PSD: variants seen among roughly 807,000 people sequenced by gnomAD.
PSD encodes PH and SEC7 domain-containing protein 1.
In PSD, 32 loss-of-function variants were observed where a neutral mutation model predicts 91.6. That is an observed-to-expected ratio of 0.35 (90% CI 0.26 to 0.47). The LOEUF (loss-of-function observed/expected upper bound fraction) is 0.47, where lower values mean the gene tolerates loss of function less well. Among genes scored for constraint, PSD ranks in the 20% least tolerant of loss-of-function variants. The pLI is 1.00. For synonymous variants in PSD, 532 were observed against 569.3 expected, an observed-to-expected ratio of 0.93 and a Z score of 0.93; for missense variants, 1,099 against 1,373.9, an observed-to-expected ratio of 0.80 and a Z score of 3.16.
At chr10:102,407,467 C>T (rs2061375628) in intron 10 of PSD, among the ~76,000 whole-genome samples, 1 of 152,186 alleles carries the variant, frequency 6.6e-6, no homozygotes, top group Non-Finnish European at 1.5e-5. Context: ...GGCAAGTATC[C>T]ATGGAGAGGA....
At chr10:102,406,508 CTTTTTTTT>C (rs1192531225) in intron 11 of PSD, among the ~76,000 whole-genome samples, 1 of 140,100 alleles carries the variant, frequency 7.1e-6, no homozygotes, top group African/African-American at 2.7e-5. Context: ...TTTCTTTTTT[CTTTTTTTT>C]TTTTTTTTTG....
rs549556276 is a variant in PSD at position 102,415,226 on chromosome 10, G to A, written c.761C>T (p.Ala254Val). 1 of 1,606,332 alleles carries A rather than the reference G, an allele frequency of 6.2e-7. No individual in the cohort carries two copies. The highest frequency in any genetic ancestry group is 1.1e-5 in the South Asian group (1 of 90,962). ...YGSLDPPSSGAKPPEQAPPSP... is the reference protein window; with the variant it reads ...YGSLDPPSSGVKPPEQAPPSP... Reference sequence around the variant, plus strand: ...TGGGGGGGCCTGCTCTGGGGGCTTAGCACCTGTAGTGTGCATAGGCATCCA... The same window carrying A: ...TGGGGGGGCCTGCTCTGGGGGCTTAACACCTGTAGTGTGCATAGGCATCCA... The change falls in exon 4 of 17, where the codon GCT (alanine) becomes GTT (valine). Residue 254 changes from alanine (A) to valine (V), a missense_variant. Around this residue, in one of 3 missense-constraint regions of PSD, gnomAD observed 631 missense variants for 728.8 expected, o/e 0.87. Coordinates refer to ENST00000020673, the MANE Select transcript of PSD (RefSeq NM_002779.5).
rs1457209264 is a variant in PSD at position 102,417,062 on chromosome 10, G to A, written c.-24C>T. On this transcript the variant is annotated 5_prime_UTR_variant, in exon 2 of 17. Coordinates refer to ENST00000020673, the MANE Select transcript of PSD (RefSeq NM_002779.5). ...ATGCTGGGGCCGGGGGTCAGGCTGG[G>A]GGGGCAGGGATGGCGAGGCCAGGCG... is the stretch of plus-strand genomic sequence containing the variant. 6.7e-7 allele frequency: 1 copy of A among 1,493,684 alleles called. No individual in the cohort carries two copies. The highest frequency in any genetic ancestry group is 9.0e-7 in the Non-Finnish European group (1 of 1,112,222). 92.5% of individuals were successfully genotyped at this position (1,493,684 alleles called of 1,614,324 possible). A position where few individuals can be genotyped will look rare whatever the true frequency, so the allele number is the denominator to read the frequency against.
In PSD at chr10:102,414,282, C is replaced by G. The variant is rs968503050; in HGVS notation, c.1125-85G>C. 7.9e-7 allele frequency: 1 copy of G among 1,269,530 alleles called. No homozygotes were observed. Among genetic ancestry groups the G allele is most frequent in the African/African-American group, 1.5e-5 (1 of 66,530 alleles). The allele number at this position is 1,269,530 out of a possible 1,614,324, so 78.6% of individuals were successfully genotyped here. On this transcript the variant is annotated intron_variant, in intron 4 of 16. Transcript: ENST00000020673. The surrounding 1 kb of genome is among the most constrained non-coding windows in gnomAD (Gnocchi z 5.6). ...TCACTGAACTCTCACACTGACTCTG[C>G]TAAGGGGATTATCATCCCCTTTTCA...
intron 3 of PSD, among the ~76,000 whole-genome samples, chr10:102,415,442 G>A (rs1002265992): frequency 7.2e-5 from 11 of 152,286 alleles, no homozygotes; most frequent in Admixed American, 1.3e-4. Context: ...AGGAGCTGGG[G>A]GAAGACCAGC....
In PSD at chr10:102,403,135, G is replaced by A. The variant is rs1017294344; in HGVS notation, c.*65C>T. ...CTCGTGGGTGGCCCGAGGCCGGCCC[G>A]GGCTCAGGCAGGGCCATGTCATCCT... On this transcript the variant is annotated 3_prime_UTR_variant, in exon 17 of 17. Coordinates refer to ENST00000020673, the MANE Select transcript of PSD (RefSeq NM_002779.5). The surrounding 1 kb of genome is among the most constrained non-coding windows in gnomAD (Gnocchi z 6.7). 2.1e-5 allele frequency: 27 copies of A among 1,311,344 alleles called. No homozygotes were observed. The African/African-American group carries it at 2.1e-4, about 10-fold the overall frequency. 81.2% of individuals were successfully genotyped at this position (1,311,344 alleles called of 1,614,324 possible).
Position 102,414,206 on chromosome 10 carries a change from G to T in PSD, c.1125-9C>A, listed in dbSNP as rs770131821. On this transcript the variant is annotated splice_polypyrimidine_tract_variant and intron_variant, in intron 4 of 16. Transcript: ENST00000020673. The surrounding 1 kb of genome is among the most constrained non-coding windows in gnomAD (Gnocchi z 5.6). ...GCATCCGGCTCCCTGGCCTGCAGGG[G>T]CAGGGAGAATCTCTGATTAGGGGCC... The T allele has an allele frequency of 6.3e-7, 1 of 1,591,922 alleles. No individual in the cohort carries two copies. Among genetic ancestry groups the T allele is most frequent in the South Asian group, 1.1e-5 (1 of 89,204 alleles).
chr10:102,402,975 C>T lies in PSD; in HGVS notation c.*225G>A, dbSNP rs1212091567. The T allele has an allele frequency of 2.0e-4, 29 of 142,710 alleles. No homozygotes were observed. In the East Asian group the frequency reaches 6.6e-3, roughly 33 times the overall value. 8.8% of individuals were successfully genotyped at this position (142,710 alleles called of 1,614,324 possible). On this transcript the variant is annotated 3_prime_UTR_variant, in exon 17 of 17. Coordinates refer to ENST00000020673, the MANE Select transcript of PSD (RefSeq NM_002779.5). ...CCCTCCCGCCCCCGCCCACCCTGTA[C>T]GAAAAAGTGCAAAACATTATCACAA...
Position 102,403,228 on chromosome 10 carries a change from C to T in PSD, c.3047G>A (p.Gly1016Glu), listed in dbSNP as rs140480079. The change falls in exon 17 of 17, where the codon GGG (glycine) becomes GAG (glutamate). Residue 1016 changes from glycine (G) to glutamate (E), a missense_variant. By Grantham distance (98) the Gly-to-Glu change is moderately conservative. Coordinates refer to ENST00000020673, the MANE Select transcript of PSD (RefSeq NM_002779.5). This position sits in a 1 kb window ranked among gnomAD's most constrained non-coding sequence, Gnocchi z 6.7. ...GGGCTTCCGCCGCCCACTGCCTGCCCCTGGCCGAGGCTCTGAGCTGTGACG... is the reference window on the plus strand; with the variant it reads ...GGGCTTCCGCCGCCCACTGCCTGCCTCTGGCCGAGGCTCTGAGCTGTGACG... ...AQRHSSEPRP[G>E]AGSGRRKP is the part of the protein sequence containing the mutation. 4 of 1,586,576 alleles carry T rather than the reference C, an allele frequency of 2.5e-6. No individual in the cohort carries two copies. Among genetic ancestry groups the T allele is most frequent in the Non-Finnish European group, 3.4e-6 (4 of 1,162,994 alleles).
rs1001857451 is a variant in PSD at position 102,410,517 on chromosome 10, C to A, written c.2091+341G>T. On this transcript the variant is annotated intron_variant, in intron 10 of 16. Coordinates refer to ENST00000020673, the MANE Select transcript of PSD (RefSeq NM_002779.5). The surrounding 1 kb of genome is among the most constrained non-coding windows in gnomAD (Gnocchi z 6.0). ...ATCCAATCCCTGTCCCGTGCAGGGACCCCCGCAACTCCCGCCTTCCACCCC... is the reference window on the plus strand; with the variant it reads ...ATCCAATCCCTGTCCCGTGCAGGGAACCCCGCAACTCCCGCCTTCCACCCC... Among the ~76,000 whole-genome samples, 25 of 152,290 alleles carry A rather than the reference C, an allele frequency of 1.6e-4. No homozygotes were observed. The highest frequency in any genetic ancestry group is 6.0e-4 in the African/African-American group (25 of 41,568).
chr10:102,408,616 C>G (rs775274148), intron 10 of PSD, among the ~76,000 whole-genome samples: 1 of 152,234 alleles, frequency 6.6e-6, no homozygotes, highest in Non-Finnish European at 1.5e-5. Flanking sequence ...CTCAGGACCC[C>G]CTTCGGCCCA....
rs1471794984 is a variant in PSD, at chr10:102,403,114, T to C, written c.*86A>G. On this transcript the variant is annotated 3_prime_UTR_variant, in exon 17 of 17. Coordinates refer to ENST00000020673, the MANE Select transcript of PSD (RefSeq NM_002779.5). This position sits in a 1 kb window ranked among gnomAD's most constrained non-coding sequence, Gnocchi z 6.7. ...CGGGCCCTAGGCCGGGAGGCCCTCG[T>C]GGGTGGCCCGAGGCCGGCCCGGGCT... The C allele has an allele frequency of 8.7e-7, 1 of 1,151,136 alleles. No individual in the cohort carries two copies. The highest frequency in any genetic ancestry group is 1.6e-5 in the African/African-American group (1 of 61,978). 71.3% of individuals were successfully genotyped at this position (1,151,136 alleles called of 1,614,324 possible). A position where few individuals can be genotyped will look rare whatever the true frequency, so the allele number is the denominator to read the frequency against.
rs774467391 is a variant in PSD at position 102,403,259 on chromosome 10, C to G, written c.3016G>C (p.Ala1006Pro). ...LQPKPSSQPR[A>P]QRHSSEPRPG... The stretch of plus-strand genomic sequence containing the variant: ...CGAGGCTCTGAGCTGTGACGCTGAG[C>G]CCGGGGCTGGCTGGAGGGTTTGGGC... Residue 1006 changes from alanine to proline, a missense_variant, in exon 17 of 17, where the codon GCT (alanine) becomes CCT (proline). Physicochemically the swap from Ala to Pro is conservative, Grantham distance 27 (BLOSUM62 -1). Transcript: ENST00000020673. The surrounding 1 kb of genome is among the most constrained non-coding windows in gnomAD (Gnocchi z 6.7). 32 of 1,609,856 alleles carry G rather than the reference C, an allele frequency of 2.0e-5. No individual in the cohort carries two copies. Among genetic ancestry groups the G allele is most frequent in the Non-Finnish European group, 2.6e-5 (31 of 1,177,514 alleles).
In PSD at chr10:102,404,553, C is replaced by G; in HGVS notation, c.2700+30G>C. On this transcript the variant is annotated intron_variant, in intron 15 of 16. Coordinates refer to ENST00000020673, the MANE Select transcript of PSD (RefSeq NM_002779.5). This position sits in a 1 kb window ranked among gnomAD's most constrained non-coding sequence, Gnocchi z 5.7. ...CCTGAGCCTAACACCCTCCATCCCA[C>G]TGGCACTAGGTGGACAGAGCTTGGG... 6.2e-7 allele frequency: 1 copy of G among 1,605,492 alleles called. No homozygotes were observed. Among genetic ancestry groups the G allele is most frequent in the Non-Finnish European group, 8.5e-7 (1 of 1,176,102 alleles).
At chr10:102,418,840 G>A (rs2061519421), upstream of PSD, 1 of 321,732 alleles carries the variant, frequency 3.1e-6, no homozygotes, top group Non-Finnish European at 6.1e-6. Flanking sequence ...GCGCCGCTCA[G>A]GCAACGCTAA....
rs528942127 is a variant in PSD at position 102,404,043 on chromosome 10, G to A, written c.2701-58C>T. ...CTCTGCCCTATACAGTGCCTCTGCA[G>A]ATTTTTAAAAAGATACCCCTTCCAG... is the stretch of plus-strand genomic sequence containing the variant. On this transcript the variant is annotated intron_variant, in intron 15 of 16. Transcript: ENST00000020673. The surrounding 1 kb of genome is among the most constrained non-coding windows in gnomAD (Gnocchi z 5.7). The A allele has an allele frequency of 6.0e-5, 88 of 1,472,020 alleles. No homozygotes were observed. In the African/African-American group the frequency reaches 1.1e-3, roughly 18 times the overall value. The allele number at this position is 1,472,020 out of a possible 1,614,324, so 91.2% of individuals were successfully genotyped here.
chr10:102,416,358 C>A lies in PSD; in HGVS notation c.654+27G>T. ...TGAGCCTTGCCCCTTCACTGGGGGC[C>A]CAGGGAGCCCAGGGGAAGTTGCATA... On this transcript the variant is annotated intron_variant, in intron 2 of 16. Coordinates refer to ENST00000020673, the MANE Select transcript of PSD (RefSeq NM_002779.5). The surrounding 1 kb of genome is among the most constrained non-coding windows in gnomAD (Gnocchi z 6.0). The A allele has an allele frequency of 6.3e-7, 1 of 1,576,684 alleles. No homozygotes were observed. The highest frequency in any genetic ancestry group is 8.6e-7 in the Non-Finnish European group (1 of 1,161,478).
At chr10:102,418,816 C>CAGG (rs2061518241), upstream of PSD, 1 of 431,046 alleles carries the variant, frequency 2.3e-6, no homozygotes, top group African/African-American at 2.1e-5. Context: ...TCAGTCCCTC[C>CAGG]CCCTACCCCC....
At chr10:102,418,906 C>T (rs188173378), upstream of PSD, 56 of 356,288 alleles carry the variant, frequency 1.6e-4, no homozygotes, top group Admixed American at 6.0e-4. Context: ...CTGCCAGCCC[C>T]CCTTGTCGCT....
Sources: gnomAD v4.1 joint callset for allele counts (sites outside exome capture counted in the v4.1 genomes callset) on GRCh38, gnomAD v4.1.1 for gene constraint, gnomAD v4.1.1 regional missense constraint, Gnocchi (gnomAD v3.1) non-coding constraint, MANE v1.5 for transcripts, NCBI Gene and HGNC (gene_info 2026-07-23, HGNC 2026-07-21) for gene names.